The following FLRT2 variants were observed in gnomAD, a reference collection of about 807,000 sequenced individuals.
The protein encoded by FLRT2 is fibronectin leucine rich transmembrane protein 2, also known as leucine-rich repeat transmembrane protein FLRT2.
A neutral mutation model predicts 40.0 loss-of-function variants in FLRT2; 15 were observed. The ratio of observed to expected loss-of-function variants is 0.38; its 90% CI spans 0.25 to 0.58. The LOEUF (loss-of-function observed/expected upper bound fraction) is 0.58. Ranked by LOEUF, FLRT2 falls within the 20% of genes least tolerant of loss-of-function variation. FLRT2 has a pLI of 0.71. For missense variants in FLRT2, 726 were observed against 840.0 expected, an observed-to-expected ratio of 0.86 and a Z score of 1.68; for synonymous variants, 380 against 336.8, an observed-to-expected ratio of 1.13 and a Z score of -1.41.
intron 1 of FLRT2, among the ~76,000 whole-genome samples, chr14:85,595,314 C>T (rs1393056049): frequency 6.6e-6 from 1 of 151,960 alleles, no homozygotes; most frequent in Non-Finnish European, 1.5e-5. Context: ...ATCCTAGGAT[C>T]AAGTGCTGAT....
chr14:85,643,292 TTTCTTTCTTTC>T lies in FLRT2; in HGVS notation c.*19798_*19808del, dbSNP rs1468906714. On this transcript the variant is annotated 3_prime_UTR_variant, in exon 2 of 2. Coordinates refer to ENST00000330753, the MANE Select transcript of FLRT2 (RefSeq NM_013231.6). ...GAGAGTTCAGAGGGTATTTCTTTTT[TTTCTTTCTTTC>T]TTTCTTTCTTTCTTTCTTTCTTTCT... 1 of 88,038 alleles carries T rather than the reference TTTCTTTCTTTC, an allele frequency of 1.1e-5. No homozygotes were observed. Among genetic ancestry groups the T allele is most frequent in the South Asian group, 4.8e-4 (1 of 2,102 alleles). The allele number at this position is 88,038 out of a possible 1,614,324, so 5.5% of individuals were successfully genotyped here.
Position 85,623,428 on chromosome 14 carries a change from C to A in FLRT2, c.1914C>A (p.Asp638Glu). The A allele has an allele frequency of 6.7e-7, 1 of 1,493,544 alleles. No homozygotes were observed. The highest frequency in any genetic ancestry group is 8.9e-7 in the Non-Finnish European group (1 of 1,124,078). 92.5% of individuals were successfully genotyped at this position (1,493,544 alleles called of 1,614,324 possible). Residue 638 changes from aspartate (D) to glutamate (E), a missense_variant, in exon 2 of 2, where the codon GAC becomes GAA. Coordinates refer to ENST00000330753, the MANE Select transcript of FLRT2 (RefSeq NM_013231.6). ...YTPNGGINYT[D>E]CHIPNNMRYC... Reference sequence around the variant, plus strand: ...CAAATGGGGGCATTAATTACACAGACTGCCATATCCCCAACAACATGCGAT... The same window carrying A: ...CAAATGGGGGCATTAATTACACAGAATGCCATATCCCCAACAACATGCGAT...
chr14:85,534,146 C>T (rs909622464), intron 1 of FLRT2, among the ~76,000 whole-genome samples: 3 of 152,214 alleles, frequency 2.0e-5, no homozygotes, highest in African/African-American at 7.2e-5. Flanking sequence ...TGGCAGATCA[C>T]TAGTCACGTT....
chr14:85,602,957 A>G (rs1430289627), intron 1 of FLRT2, among the ~76,000 whole-genome samples: 1 of 152,146 alleles, frequency 6.6e-6, no homozygotes, highest in Non-Finnish European at 1.5e-5. Context: ...TGAGCGCATA[A>G]CTTCCTTCTT....
At chr14:85,563,257 C>T (rs1309493602) in intron 1 of FLRT2, among the ~76,000 whole-genome samples, 1 of 152,118 alleles carries the variant, frequency 6.6e-6, no homozygotes, top group Non-Finnish European at 1.5e-5. Context: ...CAGGGCCTTA[C>T]AACCACTTCC....
chr14:85,549,893 G>T (rs1437948205), intron 1 of FLRT2, among the ~76,000 whole-genome samples: 1 of 151,648 alleles, frequency 6.6e-6, no homozygotes. Context: ...CCTCCCTGTG[G>T]GGCCACAGTA....
rs1893858889 is a variant in FLRT2, at chr14:85,631,112, T to TATATATATATATATATA, written c.*7615_*7616insATATATATATATATATA. On this transcript the variant is annotated 3_prime_UTR_variant, in exon 2 of 2. Transcript: ENST00000330753. The stretch of plus-strand genomic sequence containing the variant: ...TATAATTACATATATAATCTAGATT[T>TATATATATATATATATA]TATATATATATATATATGAAATGAG... 9 of 91,884 alleles carry TATATATATATATATATA rather than the reference T, an allele frequency of 9.8e-5. 1 individual carries two copies. The highest frequency in any genetic ancestry group is 8.0e-4 in the Admixed American group (6 of 7,464). The allele number at this position is 91,884 out of a possible 1,614,324, so 5.7% of individuals were successfully genotyped here. A position where few individuals can be genotyped will look rare whatever the true frequency, so the allele number is the denominator to read the frequency against.
At chr14:85,614,372 A>G (rs57861764) in intron 1 of FLRT2, among the ~76,000 whole-genome samples, 129,772 of 151,370 alleles carry the variant, frequency 0.86, 55,704 homozygotes, top group East Asian at 0.93. Context: ...TCCCCTTTGA[A>G]ATTAAAAAAA....
intron 1 of FLRT2, among the ~76,000 whole-genome samples, chr14:85,538,097 A>G (rs567275751): frequency 6.6e-6 from 1 of 152,214 alleles, no homozygotes; most frequent in East Asian, 1.9e-4. Flanking sequence ...TTTGCAGTGA[A>G]TTGGAACTCC....
intron 1 of FLRT2, among the ~76,000 whole-genome samples, chr14:85,560,510 G>A (rs1390873908): frequency 6.6e-6 from 1 of 152,114 alleles, no homozygotes; most frequent in Non-Finnish European, 1.5e-5. Context: ...GGACTCGGGA[G>A]GCGGAGGTTG....
chr14:85,610,767 T>G (rs1348374703), intron 1 of FLRT2, among the ~76,000 whole-genome samples: 2 of 152,240 alleles, frequency 1.3e-5, no homozygotes, highest in Non-Finnish European at 2.9e-5. Flanking sequence ...ATTTTCTAAG[T>G]TGCCATCTGT....
At chr14:85,567,672 A>G (rs1411865440) in intron 1 of FLRT2, among the ~76,000 whole-genome samples, 4 of 119,036 alleles carry the variant, frequency 3.4e-5, no homozygotes, top group Non-Finnish European at 6.5e-5. Flanking sequence ...ACGGAGTCTC[A>G]CTCTGTCACC....
chr14:85,620,887 A>T (rs1203155029), intron 1 of FLRT2, among the ~76,000 whole-genome samples: 1 of 152,242 alleles, frequency 6.6e-6, no homozygotes, highest in Admixed American at 6.5e-5. Flanking sequence ...ACTGATTAGG[A>T]TGTTAAATTC....
chr14:85,582,892 CTA>C (rs543601170), intron 1 of FLRT2, among the ~76,000 whole-genome samples: 21 of 149,810 alleles, frequency 1.4e-4, no homozygotes, highest in African/African-American at 3.9e-4. Context: ...ATATATCCAA[CTA>C]TATATATATA....
At chr14:85,568,908 C>T (rs1890763545) in intron 1 of FLRT2, among the ~76,000 whole-genome samples, 1 of 150,054 alleles carries the variant, frequency 6.7e-6, no homozygotes, top group Non-Finnish European at 1.5e-5. Context: ...CTCTCTGCCT[C>T]TCACTCATTC....
chr14:85,622,287 A>G lies in FLRT2; in HGVS notation c.773A>G (p.Tyr258Cys), dbSNP rs774669019. 5.0e-6 allele frequency: 8 copies of G among 1,614,090 alleles called. No individual in the cohort carries two copies. The highest frequency in any genetic ancestry group is 4.4e-5 in the South Asian group (4 of 91,072). The change falls in exon 2 of 2, where the codon TAT becomes TGT. Residue 258 changes from tyrosine (Y) to cysteine (C), a missense_variant. Physicochemically the swap from Tyr to Cys is radical, Grantham distance 194. Coordinates refer to ENST00000330753, the MANE Select transcript of FLRT2 (RefSeq NM_013231.6). ...DLPGTHLIRL[Y>C]LQDNQINHIP... is the part of the protein sequence containing the mutation. ...CCAGGTACGCATCTGATCAGGCTCT[A>G]TTTGCAGGACAACCAGATAAACCAC...
chr14:85,532,883 C>T (rs1888371441), intron 1 of FLRT2, among the ~76,000 whole-genome samples: 1 of 152,128 alleles, frequency 6.6e-6, no homozygotes. Flanking sequence ...TGGCAGTACA[C>T]CATTAAGCAG....
intron 1 of FLRT2, among the ~76,000 whole-genome samples, chr14:85,592,808 G>GAAAAAAAGA (rs1566744880): frequency 1.2e-4 from 16 of 129,282 alleles, no homozygotes; most frequent in South Asian, 2.4e-4. Flanking sequence ...AAAAAAAAAA[G>GAAAAAAAGA]AAAAAAAAGA....
In FLRT2 at chr14:85,648,356, C is replaced by G. The variant is rs1894357815; in HGVS notation, c.*24859C>G. The G allele has an allele frequency of 6.6e-6, 1 of 152,110 alleles. No individual in the cohort carries two copies. Among genetic ancestry groups the G allele is most frequent in the South Asian group, 2.1e-4 (1 of 4,832 alleles). 9.4% of individuals were successfully genotyped at this position (152,110 alleles called of 1,614,324 possible). On this transcript the variant is annotated 3_prime_UTR_variant, in exon 2 of 2. Transcript: ENST00000330753. The stretch of plus-strand genomic sequence containing the variant: ...CCCACATGTGCATTTCCCAGAGTCC[C>G]TTGTTGCTAGGGGGCTGAATGCGAA...
Sources: gnomAD v4.1 joint callset for allele counts (sites outside exome capture counted in the v4.1 genomes callset) on GRCh38, gnomAD v4.1.1 for gene constraint, MANE v1.5 for transcripts, NCBI Gene and HGNC (gene_info 2026-07-23, HGNC 2026-07-21) for gene names.